NOS1AP: variants seen among roughly 807,000 people sequenced by gnomAD.
NOS1AP encodes the protein carboxyl-terminal PDZ ligand of neuronal nitric oxide synthase protein.
In NOS1AP, 21 loss-of-function variants were observed where a neutral mutation model predicts 56.2. The ratio of observed to expected loss-of-function variants is 0.37; its 90% CI spans 0.26 to 0.54. The LOEUF is 0.54. Ranked by LOEUF, NOS1AP falls within the 20% of genes least tolerant of loss-of-function variation. The probability of loss-of-function intolerance (pLI) is 0.84; values close to 1 mark genes in which losing one functional copy is unlikely to be tolerated. For missense variants in NOS1AP, 522 were observed against 657.8 expected (o/e 0.79, Z 2.26); for synonymous variants, 270 against 274.6 (o/e 0.98, Z 0.17).
At chr1:162,351,449 A>G (rs1657492367) in intron 6 of NOS1AP, among the ~76,000 whole-genome samples, 1 of 152,096 alleles carries the variant, frequency 6.6e-6, no homozygotes, top group African/African-American at 2.4e-5. Context: ...CACATTTGTG[A>G]TCCCCAAGCT....
At chr1:162,140,605 C>T (rs1649194376) in intron 1 of NOS1AP, among the ~76,000 whole-genome samples, 1 of 152,180 alleles carries the variant, frequency 6.6e-6, no homozygotes, top group South Asian at 2.1e-4. Flanking sequence ...CTGCAATGAA[C>T]ATATCAGTGC....
At chr1:162,169,401 T>A (rs79893628) in intron 2 of NOS1AP, among the ~76,000 whole-genome samples, 5,385 of 152,326 alleles carry the variant, frequency 0.035, 137 homozygotes, top group Non-Finnish European at 0.049. Context: ...CTGGGGGTGC[T>A]AATGAGGAGT....
chr1:162,320,986 G>A (rs1178587107), intron 4 of NOS1AP, among the ~76,000 whole-genome samples: 1 of 152,060 alleles, frequency 6.6e-6, no homozygotes, highest in Non-Finnish European at 1.5e-5. Flanking sequence ...AAGGTACACA[G>A]TCCTTTAAAA....
At position 162,103,157 on chromosome 1, in the gene NOS1AP, G is replaced by T. The variant is rs1345147090; in HGVS notation, c.105+32875G>T. On this transcript the variant is annotated intron_variant, in intron 1 of 9. Coordinates refer to ENST00000361897, the MANE Select transcript of NOS1AP (RefSeq NM_014697.3). ...TCTCTTTGTTCTCATTGGTTTCAAA[G>T]AACTTGTTGATTTCTGCCTAATTTC... Among the ~76,000 whole-genome samples, 10 of 152,142 alleles carry T rather than the reference G, an allele frequency of 6.6e-5. No homozygotes were observed. The East Asian group carries it at 1.9e-3, about 29-fold the overall frequency.
At chr1:162,231,502 A>G (rs1653123321) in intron 2 of NOS1AP, among the ~76,000 whole-genome samples, 1 of 152,072 alleles carries the variant, frequency 6.6e-6, no homozygotes, top group South Asian at 2.1e-4. Context: ...GTATTTATTT[A>G]TGTTTTTGTT....
chr1:162,127,123 C>T (rs1372141589), intron 1 of NOS1AP, among the ~76,000 whole-genome samples: 2 of 151,646 alleles, frequency 1.3e-5, no homozygotes, highest in Non-Finnish European at 2.9e-5. Context: ...TTTTTTAAAT[C>T]AGGGTTTTGG....
At chr1:162,218,257 G>A (rs955411997) in intron 2 of NOS1AP, among the ~76,000 whole-genome samples, 4 of 152,218 alleles carry the variant, frequency 2.6e-5, no homozygotes, top group African/African-American at 9.7e-5. Flanking sequence ...GGAGCCTGAT[G>A]ACTTGAGGTC....
chr1:162,157,037 T>G (rs1650003882), intron 2 of NOS1AP: 1 of 154,454 alleles, frequency 6.5e-6, no homozygotes, highest in African/African-American at 2.4e-5. Flanking sequence ...GAGATACAAC[T>G]TCATGGAACA....
At position 162,228,683 on chromosome 1, in the gene NOS1AP, C is replaced by G. The variant is rs149290710; in HGVS notation, c.178-58661C>G. 2.7e-3 allele frequency among the ~76,000 whole-genome samples: 405 copies of G among 152,324 alleles called. 1 individual carries two copies. The highest frequency in any genetic ancestry group is 0.014 in the Middle Eastern group (4 of 294). On this transcript the variant is annotated intron_variant, in intron 2 of 9. Coordinates refer to ENST00000361897, the MANE Select transcript of NOS1AP (RefSeq NM_014697.3). ...TACCTTCTAACTCGCTCAAATGGAT[C>G]AAGGTTCCTTTTCTCTACCCCGGCT...
chr1:162,108,776 A>C (rs913163660), intron 1 of NOS1AP, among the ~76,000 whole-genome samples: 1 of 152,224 alleles, frequency 6.6e-6, no homozygotes, highest in Admixed American at 6.5e-5. Flanking sequence ...ATGGGAGTGC[A>C]ATCAGCAACA....
At chr1:162,076,419 T>A (rs1480532806) in intron 1 of NOS1AP, among the ~76,000 whole-genome samples, 1 of 152,258 alleles carries the variant, frequency 6.6e-6, no homozygotes, top group Non-Finnish European at 1.5e-5. Flanking sequence ...CTTTTTACTA[T>A]TGAGTTCCCT....
At chr1:162,350,742 G>A (rs1043113479) in intron 6 of NOS1AP, among the ~76,000 whole-genome samples, 1 of 152,124 alleles carries the variant, frequency 6.6e-6, no homozygotes, top group African/African-American at 2.4e-5. Flanking sequence ...TCCTCGTGTC[G>A]TACATTAGAG....
chr1:162,289,926 G>A (rs533510131), intron 3 of NOS1AP, among the ~76,000 whole-genome samples: 1 of 152,238 alleles, frequency 6.6e-6, no homozygotes, highest in East Asian at 1.9e-4. Context: ...TCACCTCACT[G>A]TCTCTCCCAT....
intron 1 of NOS1AP, among the ~76,000 whole-genome samples, chr1:162,129,702 C>T (rs1015595296): frequency 1.7e-4 from 26 of 152,144 alleles, no homozygotes; most frequent in African/African-American, 5.8e-4. Flanking sequence ...CCACAGCAGA[C>T]GCTTAACTAT....
chr1:162,158,396 A>G (rs888777837), intron 2 of NOS1AP, among the ~76,000 whole-genome samples: 5 of 152,184 alleles, frequency 3.3e-5, no homozygotes, highest in African/African-American at 7.2e-5. Flanking sequence ...TCATTTAACT[A>G]TGAACATTTT....
intron 1 of NOS1AP, among the ~76,000 whole-genome samples, chr1:162,100,729 GT>G (rs768839016): frequency 3.9e-5 from 6 of 152,020 alleles, no homozygotes; most frequent in Non-Finnish European, 7.4e-5. Context: ...CTGCATGTAT[GT>G]TTTCTTTTGA....
intron 2 of NOS1AP, among the ~76,000 whole-genome samples, chr1:162,227,724 A>G (rs1184876730): frequency 1.3e-5 from 2 of 152,198 alleles, no homozygotes; most frequent in Non-Finnish European, 2.9e-5. Context: ...TGTATATCCT[A>G]TTGGTCAAGG....
At chr1:162,355,464 G>GCCACTGTGCCA in intron 7 of NOS1AP, 111 bp downstream of exon 7, 3 of 1,360,074 alleles carry the variant, frequency 2.2e-6, no homozygotes, top group Non-Finnish European at 3.1e-6. Flanking sequence ...CCATGGCACA[G>GCCACTGTGCCA]TGGCGGTGCC....
intron 2 of NOS1AP, among the ~76,000 whole-genome samples, chr1:162,177,210 G>A (rs1651094079): frequency 6.6e-6 from 1 of 152,184 alleles, no homozygotes; most frequent in South Asian, 2.1e-4. Flanking sequence ...ATGTGATTTG[G>A]AATAGCCCTG....
Sources: allele counts gnomAD v4.1 joint callset (sites outside exome capture counted in the v4.1 genomes callset), GRCh38; gene constraint gnomAD v4.1.1; transcripts MANE v1.5; gene names NCBI Gene and HGNC (gene_info 2026-07-23, HGNC 2026-07-21).